Variants in MTMR14 observed in about 807,000 individuals in gnomAD.
MTMR14 encodes myotubularin related protein 14.
In MTMR14, 48 loss-of-function variants were observed where a neutral mutation model predicts 86.3. The observed-to-expected ratio is 0.56, with a 90% CI of 0.44 to 0.71. The LOEUF is 0.71. MTMR14 is among the 30% of genes least tolerant of loss of function. MTMR14 has a pLI of 0.00. For synonymous variants in MTMR14, 366 were observed against 326.1 expected, an observed-to-expected ratio of 1.12 and a Z score of -1.32; for missense variants, 780 against 834.6, an observed-to-expected ratio of 0.93 and a Z score of 0.81.
intron 17 of MTMR14, among the ~76,000 whole-genome samples, chr3:9,694,736 C>T (rs1401433094): frequency 6.6e-6 from 1 of 152,180 alleles, no homozygotes; most frequent in Non-Finnish European, 1.5e-5. Context: ...CTGGGTTGAG[C>T]CAGCTCGGTT....
In MTMR14 at chr3:9,701,217, C is replaced by G. The variant is rs1193037172; in HGVS notation, c.1770-573C>G. ...GCAGAGAGCTGCTGGGGCAAATTCC[C>G]TCCTGCTTAGCTACCCTCCTTCCCA... On this transcript the variant is annotated intron_variant, in intron 18 of 18. Coordinates refer to ENST00000296003, the MANE Select transcript of MTMR14 (RefSeq NM_001077525.3). This position sits in a 1 kb window ranked among gnomAD's most constrained non-coding sequence, Gnocchi z 4.2. The G allele has an allele frequency of 1.2e-5, 2 of 163,940 alleles. No homozygotes were observed. The highest frequency in any genetic ancestry group is 1.1e-4 in the Admixed American group (2 of 17,560). The allele number at this position is 163,940 out of a possible 1,614,324, so 10.2% of individuals were successfully genotyped here. A position where few individuals can be genotyped will look rare whatever the true frequency, so the allele number is the denominator to read the frequency against.
At position 9,677,489 on chromosome 3, in the gene MTMR14, G is replaced by C; in HGVS notation, c.822+102G>C. The C allele has an allele frequency of 9.7e-7, 1 of 1,030,292 alleles. No homozygotes were observed. The highest frequency in any genetic ancestry group is 1.5e-6 in the Non-Finnish European group (1 of 655,320). 63.8% of individuals were successfully genotyped at this position (1,030,292 alleles called of 1,614,324 possible). ...TTGGGGAAAACAACAAGCAGTCTTT[G>C]GGGAAAATAACTCCCCTTTCCTCCC... On this transcript the variant is annotated intron_variant, in intron 8 of 18. Coordinates refer to ENST00000296003, the MANE Select transcript of MTMR14 (RefSeq NM_001077525.3). This position sits in a 1 kb window ranked among gnomAD's most constrained non-coding sequence, Gnocchi z 4.2.
intron 5 of MTMR14, among the ~76,000 whole-genome samples, chr3:9,670,733 G>T (rs969062989): frequency 1.3e-5 from 2 of 152,174 alleles, no homozygotes; most frequent in Non-Finnish European, 2.9e-5. Context: ...CCAGCCTGCT[G>T]CATTTTAGAA....
At chr3:9,696,612 T>C (rs2076288655) in intron 17 of MTMR14, among the ~76,000 whole-genome samples, 1 of 152,242 alleles carries the variant, frequency 6.6e-6, no homozygotes, top group South Asian at 2.1e-4. Flanking sequence ...AGAGTTGCAG[T>C]GCCTGGCTGG....
At chr3:9,689,840 G>A (rs2125323639) in intron 16 of MTMR14, 124 bp from the exon 17 acceptor site, 2 of 976,388 alleles carry the variant, frequency 2.0e-6, no homozygotes, top group East Asian at 2.6e-5. Flanking sequence ...GAGTGCTAAT[G>A]TTTGCCAACT....
intron 7 of MTMR14, among the ~76,000 whole-genome samples, chr3:9,676,778 C>T (rs1386837910): frequency 6.6e-6 from 1 of 152,200 alleles, no homozygotes; most frequent in East Asian, 1.9e-4. Flanking sequence ...TCTTTGCTTG[C>T]TTTGTTGGGC....
In MTMR14 at chr3:9,649,818, T is replaced by C. The variant is rs1386404929; in HGVS notation, c.159+76T>C. On this transcript the variant is annotated intron_variant, in intron 1 of 18. Transcript: ENST00000296003. ...ACAGAGGAAAGGCTGAGGCCAGGGG[T>C]CAGAAAAAGGTAGGAGTGGTACCTC... 4 of 1,586,252 alleles carry C rather than the reference T, an allele frequency of 2.5e-6. No homozygotes were observed. The East Asian group carries it at 9.2e-5, about 36-fold the overall frequency.
chr3:9,663,270 A>C lies in MTMR14; in HGVS notation c.417+895A>C, dbSNP rs1252459242. The stretch of plus-strand genomic sequence containing the variant: ...AGTGGTCAAGGGCAGGGCAATGGGG[A>C]GAGTCTGACTGTTGTCTCAGTCCCT... On this transcript the variant is annotated intron_variant, in intron 3 of 18. Coordinates refer to ENST00000296003, the MANE Select transcript of MTMR14 (RefSeq NM_001077525.3). Among the ~76,000 whole-genome samples, 4 of 151,848 alleles carry C rather than the reference A, an allele frequency of 2.6e-5. No individual in the cohort carries two copies. In the East Asian group the frequency reaches 7.7e-4, roughly 29 times the overall value.
At chr3:9,665,789 C>T (rs1030607168) in intron 3 of MTMR14, among the ~76,000 whole-genome samples, 7 of 144,454 alleles carry the variant, frequency 4.8e-5, no homozygotes, top group Non-Finnish European at 1.0e-4. Flanking sequence ...AGTGCAGTGG[C>T]GCGATCTCAG....
At chr3:9,673,468 G>A (rs947791978) in intron 7 of MTMR14, among the ~76,000 whole-genome samples, 1 of 152,230 alleles carries the variant, frequency 6.6e-6, no homozygotes, top group Non-Finnish European at 1.5e-5. Context: ...TTTAGTAAGG[G>A]AGGCCAAGGA....
chr3:9,695,957 A>G (rs1354881491), intron 17 of MTMR14, among the ~76,000 whole-genome samples: 1 of 152,136 alleles, frequency 6.6e-6, no homozygotes, highest in African/African-American at 2.4e-5. Flanking sequence ...TTCTCCATCT[A>G]GAAACAAGGA....
At chr3:9,662,187 G>A in intron 2 of MTMR14, 80 bp from the exon 3 acceptor site, 1 of 966,446 alleles carries the variant, frequency 1.0e-6, no homozygotes. Flanking sequence ...TCTAGTATGG[G>A]GGTCTGTGTG....
At chr3:9,674,083 G>T (rs1420182581) in intron 7 of MTMR14, among the ~76,000 whole-genome samples, 1 of 152,202 alleles carries the variant, frequency 6.6e-6, no homozygotes, top group African/African-American at 2.4e-5. Context: ...TTCAGACATA[G>T]TTTCCAGCTC....
At chr3:9,651,090 TTTTG>T (rs952350379) in intron 1 of MTMR14, among the ~76,000 whole-genome samples, 7 of 149,380 alleles carry the variant, frequency 4.7e-5, no homozygotes, top group East Asian at 2.0e-4. Context: ...CGCCTGGCTT[TTTTG>T]TTTGTTTGTT....
intron 13 of MTMR14, among the ~76,000 whole-genome samples, chr3:9,686,998 C>G (rs1469446329): frequency 1.3e-5 from 2 of 152,236 alleles, no homozygotes; most frequent in African/African-American, 2.4e-5. Context: ...AAGGGAGGCT[C>G]TAGGCCAGAC....
At position 9,697,880 on chromosome 3, in the gene MTMR14, T is replaced by C. The variant is rs563438904; in HGVS notation, c.1769+14T>C. 52 of 1,614,028 alleles carry C rather than the reference T, an allele frequency of 3.2e-5. 1 individual carries two copies. In the South Asian group the frequency reaches 5.3e-4, roughly 16 times the overall value. On this transcript the variant is annotated intron_variant, in intron 18 of 18. Coordinates refer to ENST00000296003, the MANE Select transcript of MTMR14 (RefSeq NM_001077525.3). ...TAACAGTTGTCTGTAAGTGTCTTGC[T>C]TGAGAAGGCAGGATGCTCCCCTGCC...
intron 2 of MTMR14, among the ~76,000 whole-genome samples, chr3:9,661,407 A>G (rs568889794): frequency 2.0e-5 from 3 of 152,280 alleles, no homozygotes; most frequent in African/African-American, 4.8e-5. Context: ...TAATGCCGCC[A>G]CTGATGATCT....
At chr3:9,662,460 T>A in intron 3 of MTMR14, 85 bp downstream of exon 3, 1 of 1,106,774 alleles carries the variant, frequency 9.0e-7, no homozygotes, top group South Asian at 1.3e-5. Flanking sequence ...TTTTTTTCCC[T>A]CAACATTAGT....
intron 5 of MTMR14, 81 bp from the exon 6 acceptor site, chr3:9,670,967 A>G (rs2048536549): frequency 2.5e-6 from 4 of 1,575,534 alleles, no homozygotes; most frequent in Non-Finnish European, 2.6e-6. Flanking sequence ...TGACATCCAT[A>G]CTTCCCTGAA....
Sources: allele counts gnomAD v4.1 joint callset (sites outside exome capture counted in the v4.1 genomes callset), GRCh38; gene constraint gnomAD v4.1.1; non-coding constraint Gnocchi (gnomAD v3.1); transcripts MANE v1.5; gene names NCBI Gene and HGNC (gene_info 2026-07-23, HGNC 2026-07-21).